Variants in GET3 observed in about 807,000 individuals in gnomAD.
GET3 encodes ATPase GET3.
Under a neutral mutation model 32.4 loss-of-function variants are expected in GET3, and 15 were observed. The observed-to-expected ratio is 0.46, with a 90% CI of 0.31 to 0.71. GET3 has a LOEUF of 0.71. Ranked by LOEUF, GET3 falls within the 30% of genes least tolerant of loss-of-function variation. GET3 has a pLI of 0.05. For missense variants in GET3, 333 were observed against 459.0 expected, an observed-to-expected ratio of 0.73 and a Z score of 2.51; for synonymous variants, 198 against 185.6, an observed-to-expected ratio of 1.07 and a Z score of -0.54.
chr19:12,746,323 G>A (rs1967770447), intron 4 of GET3, among the ~76,000 whole-genome samples: 1 of 152,150 alleles, frequency 6.6e-6, no homozygotes, highest in Non-Finnish European at 1.5e-5. Context: ...TGTAGAGATA[G>A]GGTTTTGCCA....
In GET3 at chr19:12,740,338, G is replaced by A. The variant is rs1010120711; in HGVS notation, c.309+1680G>A. On this transcript the variant is annotated intron_variant, in intron 2 of 6. Coordinates refer to ENST00000357332, the MANE Select transcript of GET3 (RefSeq NM_004317.4). ...GGAGCTTGCAGTGAGCTGAGATCGC[G>A]CCACTGCACTCCAGCCTGGGCGACA... Among the ~76,000 whole-genome samples the A allele has an allele frequency of 2.6e-5, 4 of 151,502 alleles. No individual in the cohort carries two copies. In the South Asian group the frequency reaches 6.2e-4, roughly 24 times the overall value.
At chr19:12,737,442 G>A, upstream of GET3, 1 of 1,397,704 alleles carries the variant, frequency 7.2e-7, no homozygotes, top group Non-Finnish European at 9.3e-7. Context: ...GAATGTGATA[G>A]AGAATTTCCC....
At position 12,747,404 on chromosome 19, in the gene GET3, A is replaced by G; in HGVS notation, c.727A>G (p.Thr243Ala). ...SEQFKDPEQT[T>A]FICVCIAEFL... ...CTCTCGTGCCCTGTAGGAGCAGACA[A>G]CTTTCATCTGCGTATGCATTGCTGA... The change falls in exon 6 of 7, where the codon ACT (threonine) becomes GCT (alanine). Residue 243 changes from threonine (T) to alanine (A), a missense_variant. By Grantham distance (58) the Thr-to-Ala change is moderately conservative. This residue lies in a region of GET3 where 230 missense variants were observed against 389.2 expected (regional missense o/e 0.59). Coordinates refer to ENST00000357332, the MANE Select transcript of GET3 (RefSeq NM_004317.4). This position sits in a 1 kb window ranked among gnomAD's most constrained non-coding sequence, Gnocchi z 4.0. The G allele has an allele frequency of 6.8e-6, 11 of 1,614,090 alleles. No homozygotes were observed. Among genetic ancestry groups the G allele is most frequent in the Non-Finnish European group, 8.5e-6 (10 of 1,179,992 alleles).
rs200054771 is a variant in GET3 at position 12,738,483 on chromosome 19, C to T, written c.162-28C>T. On this transcript the variant is annotated intron_variant, in intron 1 of 6. Transcript: ENST00000357332. ...GGGAACAGAGCCCATCCCCTCATCC[C>T]CTATCTTTTGACTTTTCCATTACTC... The T allele has an allele frequency of 1.2e-5, 20 of 1,613,164 alleles. No homozygotes were observed. In the East Asian group the frequency reaches 4.2e-4, roughly 34 times the overall value.
At chr19:12,740,212 C>G (rs1188826252) in intron 2 of GET3, among the ~76,000 whole-genome samples, 1 of 151,536 alleles carries the variant, frequency 6.6e-6, no homozygotes, top group Non-Finnish European at 1.5e-5. Flanking sequence ...GAAAGCCCAT[C>G]TCTACTAAAA....
At chr19:12,737,375 T>C (rs1453686970), upstream of GET3, 3 of 1,196,584 alleles carry the variant, frequency 2.5e-6, no homozygotes, top group African/African-American at 1.6e-5. Flanking sequence ...ATATAATTTA[T>C]ATTTCTCCTA....
intron 2 of GET3, among the ~76,000 whole-genome samples, chr19:12,742,252 G>T (rs1321981374): frequency 1.4e-5 from 2 of 139,750 alleles, no homozygotes; most frequent in Non-Finnish European, 1.5e-5. Flanking sequence ...TTTTTTTTGA[G>T]ACTGAGTTTC....
Position 12,747,916 on chromosome 19 carries a change from C to A in GET3, c.916-57C>A, listed in dbSNP as rs1967804686. On this transcript the variant is annotated intron_variant, in intron 6 of 6. Coordinates refer to ENST00000357332, the MANE Select transcript of GET3 (RefSeq NM_004317.4). The surrounding 1 kb of genome is among the most constrained non-coding windows in gnomAD (Gnocchi z 4.0). ...TTTACCGCTTCTATTGATCCACACT[C>A]TGTCTCTGCCTTCCTGCCCCCTGAC... is the stretch of plus-strand genomic sequence containing the variant. 2 of 1,509,992 alleles carry A rather than the reference C, an allele frequency of 1.3e-6. No homozygotes were observed. The highest frequency in any genetic ancestry group is 1.3e-5 in the South Asian group (1 of 79,970). The allele number at this position is 1,509,992 out of a possible 1,614,324, so 93.5% of individuals were successfully genotyped here.
At chr19:12,744,012 T>G (rs1967722358) in intron 2 of GET3, among the ~76,000 whole-genome samples, 1 of 128,982 alleles carries the variant, frequency 7.8e-6, no homozygotes, top group Non-Finnish European at 1.6e-5. Context: ...ATTACAGGCG[T>G]GAGCCACCAC....
chr19:12,743,722 CTTTTTTTTTTT>C (rs776785337), intron 2 of GET3, among the ~76,000 whole-genome samples: 3 of 70,408 alleles, frequency 4.3e-5, no homozygotes, highest in African/African-American at 1.5e-4. Context: ...GACTCCATCT[CTTTTTTTTTTT>C]TTTTTTTTTT....
At position 12,747,340 on chromosome 19, in the gene GET3, G is replaced by A; in HGVS notation, c.717+36G>A. On this transcript the variant is annotated intron_variant, in intron 5 of 6. Coordinates refer to ENST00000357332, the MANE Select transcript of GET3 (RefSeq NM_004317.4). This position sits in a 1 kb window ranked among gnomAD's most constrained non-coding sequence, Gnocchi z 4.0. ...GTCTGGCTGGCGGTGAGAGGCCCGGGGGCTGAGGACAGGGGCAGACCCCGC... is the reference window on the plus strand; with the variant it reads ...GTCTGGCTGGCGGTGAGAGGCCCGGAGGCTGAGGACAGGGGCAGACCCCGC... 6.2e-7 allele frequency: 1 copy of A among 1,610,796 alleles called. No homozygotes were observed.
Position 12,748,312 on chromosome 19 carries a change from A to G in GET3, c.*208A>G, listed in dbSNP as rs1967814065. The G allele has an allele frequency of 4.1e-6, 2 of 486,452 alleles. No homozygotes were observed. Among genetic ancestry groups the G allele is most frequent in the East Asian group, 6.7e-5 (2 of 29,714 alleles). 30.1% of individuals were successfully genotyped at this position (486,452 alleles called of 1,614,324 possible). ...CCACCTCTTGCTCTTCAATAAAATG[A>G]TCTTAAACTGCTGTATTGTTGACAT... On this transcript the variant is annotated 3_prime_UTR_variant, in exon 7 of 7. Coordinates refer to ENST00000357332, the MANE Select transcript of GET3 (RefSeq NM_004317.4).
At chr19:12,744,897 C>T (rs963679906) in intron 2 of GET3, among the ~76,000 whole-genome samples, 7 of 152,084 alleles carry the variant, frequency 4.6e-5, no homozygotes, top group Non-Finnish European at 7.4e-5. Context: ...GGACTACAGG[C>T]GTGAGCTATC....
chr19:12,742,899 G>A (rs902451721), intron 2 of GET3, among the ~76,000 whole-genome samples: 1 of 152,154 alleles, frequency 6.6e-6, no homozygotes, highest in Non-Finnish European at 1.5e-5. Context: ...ACCAGAGTGG[G>A]GGATTTTGCC....
intron 1 of GET3, 126 bp downstream of exon 1, chr19:12,737,792 C>T: frequency 1.6e-6 from 2 of 1,273,706 alleles, no homozygotes; most frequent in African/African-American, 1.5e-5. Context: ...GGGTTTCACT[C>T]TCTGGAAGTT....
intron 2 of GET3, among the ~76,000 whole-genome samples, chr19:12,743,307 G>T (rs144996208): frequency 6.6e-6 from 1 of 151,796 alleles, no homozygotes; most frequent in Non-Finnish European, 1.5e-5. Context: ...GAGAAGCCCC[G>T]TCTCTACTAA....
chr19:12,737,911 C>T (rs1373360680), intron 1 of GET3, among the ~76,000 whole-genome samples: 1 of 152,094 alleles, frequency 6.6e-6, no homozygotes, highest in East Asian at 1.9e-4. Context: ...GCCCGGGGGA[C>T]GGGGAAGCAC....
At chr19:12,741,698 G>T (rs547435863) in intron 2 of GET3, among the ~76,000 whole-genome samples, 1 of 150,404 alleles carries the variant, frequency 6.6e-6, no homozygotes. Flanking sequence ...GACGGAGGTT[G>T]CAGTGAGCCG....
Position 12,747,698 on chromosome 19 carries a change from T to C in GET3, c.915+106T>C. 7.3e-7 allele frequency: 1 copy of C among 1,368,036 alleles called. No individual in the cohort carries two copies. Among genetic ancestry groups the C allele is most frequent in the South Asian group, 1.3e-5 (1 of 75,210 alleles). The allele number at this position is 1,368,036 out of a possible 1,614,324, so 84.7% of individuals were successfully genotyped here. On this transcript the variant is annotated intron_variant, in intron 6 of 6. Coordinates refer to ENST00000357332, the MANE Select transcript of GET3 (RefSeq NM_004317.4). The surrounding 1 kb of genome is among the most constrained non-coding windows in gnomAD (Gnocchi z 4.0). ...CCTCTGCCCTCTAGCCTCCTGCCCT[T>C]TGCCCCCACATTTCAGATCCTTCAC... is the stretch of plus-strand genomic sequence containing the variant.
Sources: gnomAD v4.1 joint callset for allele counts (sites outside exome capture counted in the v4.1 genomes callset) on GRCh38, gnomAD v4.1.1 for gene constraint, gnomAD v4.1.1 regional missense constraint, Gnocchi (gnomAD v3.1) non-coding constraint, MANE v1.5 for transcripts, NCBI Gene and HGNC (gene_info 2026-07-23, HGNC 2026-07-21) for gene names.